The following TBC1D16 variants were observed in gnomAD, a reference collection of about 807,000 sequenced individuals.
TBC1D16 encodes the protein TBC1 domain family member 16.
A neutral mutation model predicts 74.7 loss-of-function variants in TBC1D16; 58 were observed. That is an observed-to-expected ratio of 0.78 (90% CI 0.63 to 0.97). The LOEUF (loss-of-function observed/expected upper bound fraction) is 0.97, where lower values mean the gene tolerates loss of function less well. Among genes scored for constraint, TBC1D16 ranks in the 50% least tolerant of loss-of-function variants. TBC1D16 has a pLI of 0.00. For synonymous variants in TBC1D16, 493 were observed against 474.7 expected (o/e 1.04, Z -0.50); for missense variants, 1,014 against 1,079.5 (o/e 0.94, Z 0.85).
rs539561523 is a variant in TBC1D16, at chr17:80,000,115, G to C, written c.779+10045C>G. Among the ~76,000 whole-genome samples the C allele has an allele frequency of 6.6e-6, 1 of 152,304 alleles. No homozygotes were observed. The highest frequency in any genetic ancestry group is 1.9e-4 in the East Asian group (1 of 5,186). On this transcript the variant is annotated intron_variant, in intron 3 of 11. Transcript: ENST00000310924. This position sits in a 1 kb window ranked among gnomAD's most constrained non-coding sequence, Gnocchi z 4.1. ...CACTTGTGCTGAAGGCTTGAGCTCTGCGTCACCCTTTCCTAAAACGGGGTG... is the reference window on the plus strand; with the variant it reads ...CACTTGTGCTGAAGGCTTGAGCTCTCCGTCACCCTTTCCTAAAACGGGGTG...
chr17:79,970,906 G>A (rs2034069410), intron 3 of TBC1D16, among the ~76,000 whole-genome samples: 1 of 141,624 alleles, frequency 7.1e-6, no homozygotes, highest in African/African-American at 2.7e-5. Flanking sequence ...GCCACCCTCT[G>A]GAAACAGAGA....
intron 3 of TBC1D16, among the ~76,000 whole-genome samples, chr17:79,991,373 G>A (rs902535502): frequency 3.3e-5 from 5 of 152,126 alleles, no homozygotes; most frequent in African/African-American, 1.2e-4. Context: ...ACGCGAGGTG[G>A]GGTGGGGTGA....
rs968404286 is a variant in TBC1D16 at position 79,933,780 on chromosome 17, G to A, written c.*7079C>T. On this transcript the variant is annotated 3_prime_UTR_variant, in exon 12 of 12. Coordinates refer to ENST00000310924, the MANE Select transcript of TBC1D16 (RefSeq NM_019020.4). ...GCTTTGCTCATTTGAGGGTGTGCAG[G>A]GTACATATGTGTCTGCCCCGGGAAT... 4 of 152,162 alleles carry A rather than the reference G, an allele frequency of 2.6e-5. No homozygotes were observed. The highest frequency in any genetic ancestry group is 9.7e-5 in the African/African-American group (4 of 41,410). 9.4% of individuals were successfully genotyped at this position (152,162 alleles called of 1,614,324 possible). A position where few individuals can be genotyped will look rare whatever the true frequency, so the allele number is the denominator to read the frequency against.
chr17:80,019,988 G>A (rs2036230018), intron 1 of TBC1D16, among the ~76,000 whole-genome samples: 1 of 149,906 alleles, frequency 6.7e-6, no homozygotes, highest in East Asian at 1.9e-4. Context: ...TCTTTATAGA[G>A]GTGATCAAGT....
rs750430553 is a variant in TBC1D16, at chr17:79,949,871, G to A, written c.1258-6C>T. On this transcript the variant is annotated splice_polypyrimidine_tract_variant and splice_region_variant and intron_variant, in intron 6 of 11. Coordinates refer to ENST00000310924, the MANE Select transcript of TBC1D16 (RefSeq NM_019020.4). ...ATACCGCCAAAGAAAATGGCCTGGA[G>A]GAAGCGGCAAAAGTTGGGGAGGGGA... is the stretch of plus-strand genomic sequence containing the variant. The A allele has an allele frequency of 1.1e-5, 18 of 1,611,040 alleles. No individual in the cohort carries two copies. Among genetic ancestry groups the A allele is most frequent in the Non-Finnish European group, 1.4e-5 (17 of 1,177,774 alleles).
At chr17:80,028,562 A>G (rs772619166) in intron 1 of TBC1D16, among the ~76,000 whole-genome samples, 81 of 152,042 alleles carry the variant, frequency 5.3e-4, no homozygotes, top group Non-Finnish European at 1.0e-3. Context: ...ATGATTTTAG[A>G]AGGCAAAAAG....
At position 80,008,887 on chromosome 17, in the gene TBC1D16, T is replaced by C. The variant is rs1221562720; in HGVS notation, c.779+1273A>G. Among the ~76,000 whole-genome samples, 1 of 152,228 alleles carries C rather than the reference T, an allele frequency of 6.6e-6. No homozygotes were observed. Among genetic ancestry groups the C allele is most frequent in the Non-Finnish European group, 1.5e-5 (1 of 68,030 alleles). Reference sequence around the variant, plus strand: ...AGGCCAGCAAAGCCTGTGTCCTTACTTCATGCCCCACCACTCCCCGGCTTA... The same window carrying C: ...AGGCCAGCAAAGCCTGTGTCCTTACCTCATGCCCCACCACTCCCCGGCTTA... On this transcript the variant is annotated intron_variant, in intron 3 of 11. Coordinates refer to ENST00000310924, the MANE Select transcript of TBC1D16 (RefSeq NM_019020.4). This position sits in a 1 kb window ranked among gnomAD's most constrained non-coding sequence, Gnocchi z 4.5.
intron 3 of TBC1D16, among the ~76,000 whole-genome samples, chr17:79,958,343 C>G (rs1016205146): frequency 1.1e-4 from 16 of 152,074 alleles, no homozygotes; most frequent in Admixed American, 4.6e-4. Flanking sequence ...CCTCAGCCTC[C>G]CGAGTAGCTG....
chr17:79,947,274 C>T lies in TBC1D16; in HGVS notation c.1728+371G>A, dbSNP rs539085894. 7.9e-5 allele frequency among the ~76,000 whole-genome samples: 12 copies of T among 152,260 alleles called. No homozygotes were observed. In the East Asian group the frequency reaches 2.1e-3, roughly 27 times the overall value. On this transcript the variant is annotated intron_variant, in intron 9 of 11. Coordinates refer to ENST00000310924, the MANE Select transcript of TBC1D16 (RefSeq NM_019020.4). ...CTCAGAAGCCCTGGCTGTGTTGACTCCTGCAGGGAGCAGCTTAGACACACC... is the reference window on the plus strand; with the variant it reads ...CTCAGAAGCCCTGGCTGTGTTGACTTCTGCAGGGAGCAGCTTAGACACACC...
rs2033240442 is a variant in TBC1D16, at chr17:79,954,518, T to C, written c.780-1700A>G. ...GGTAAAACTAGATCAGAGATGGGCA[T>C]GTGGGGCCATCACCTGAACTGCCGT... On this transcript the variant is annotated intron_variant, in intron 3 of 11. Transcript: ENST00000310924. This position sits in a 1 kb window ranked among gnomAD's most constrained non-coding sequence, Gnocchi z 5.5. Among the ~76,000 whole-genome samples, 1 of 152,168 alleles carries C rather than the reference T, an allele frequency of 6.6e-6. No homozygotes were observed. Among genetic ancestry groups the C allele is most frequent in the South Asian group, 2.1e-4 (1 of 4,830 alleles).
At chr17:79,968,372 A>T (rs1401071247) in intron 3 of TBC1D16, among the ~76,000 whole-genome samples, 1 of 152,266 alleles carries the variant, frequency 6.6e-6, no homozygotes, top group East Asian at 1.9e-4. Flanking sequence ...CAAAGAATGA[A>T]GTCAGACCAT....
intron 3 of TBC1D16, among the ~76,000 whole-genome samples, chr17:79,958,216 ATT>A (rs557536242): frequency 1.1e-4 from 15 of 137,420 alleles, no homozygotes; most frequent in African/African-American, 1.1e-4. Context: ...AAACTGACCA[ATT>A]TTTTTTTTTT....
intron 3 of TBC1D16, among the ~76,000 whole-genome samples, chr17:79,958,734 A>G (rs1275579737): frequency 1.3e-5 from 2 of 152,230 alleles, no homozygotes; most frequent in Non-Finnish European, 2.9e-5. Flanking sequence ...TAGGAATGGA[A>G]GAGAAGCTCC....
Position 79,992,041 on chromosome 17 carries a change from C to CCGG in TBC1D16, c.779+18116_779+18118dup, listed in dbSNP as rs2035084014. 3 of 152,446 alleles carry CCGG rather than the reference C, an allele frequency of 2.0e-5. No homozygotes were observed. The East Asian group carries it at 5.8e-4, about 30-fold the overall frequency. The allele number at this position is 152,446 out of a possible 1,614,324, so 9.4% of individuals were successfully genotyped here. Reference sequence around the variant, plus strand: ...TCAATGTCCTGCGTACAAGCCTGTCCCGGCCGTGGCCACCGGCTGGCTTGT... The same window carrying CCGG: ...TCAATGTCCTGCGTACAAGCCTGTCCCGGCGGCCGTGGCCACCGGCTGGCTTGT... On this transcript the variant is annotated intron_variant, in intron 3 of 11. Coordinates refer to ENST00000310924, the MANE Select transcript of TBC1D16 (RefSeq NM_019020.4).
rs1015469772 is a variant in TBC1D16 at position 79,944,014 on chromosome 17, C to A, written c.1908+894G>T. The stretch of plus-strand genomic sequence containing the variant: ...GCTGAGCCAGGAGGGAAACCTAGAC[C>A]CGGGCCAGGGGCGAGCCGATGACCG... On this transcript the variant is annotated intron_variant, in intron 10 of 11. Transcript: ENST00000310924. This position sits in a 1 kb window ranked among gnomAD's most constrained non-coding sequence, Gnocchi z 7.7. The A allele has an allele frequency of 3.3e-6, 5 of 1,534,142 alleles. No individual in the cohort carries two copies. The highest frequency in any genetic ancestry group is 4.4e-6 in the Non-Finnish European group (5 of 1,145,664).
chr17:79,964,841 A>G (rs2033772761), intron 3 of TBC1D16, among the ~76,000 whole-genome samples: 1 of 152,180 alleles, frequency 6.6e-6, no homozygotes, highest in South Asian at 2.1e-4. Flanking sequence ...TGTTATGCTG[A>G]ATGAGGAAAG....
intron 6 of TBC1D16, 25 bp from the exon 7 acceptor site, chr17:79,949,890 G>A (rs898852613): frequency 6.8e-6 from 11 of 1,607,286 alleles, no homozygotes; most frequent in East Asian, 2.2e-5. Context: ...AAAAGTTGGG[G>A]AGGGGATAAA....
chr17:79,945,031 G>T lies in TBC1D16; in HGVS notation c.1785C>A (p.Val595=), dbSNP rs780990295. ...TCTGCAGGCCGTCCTCGCCCAGCGA[G>T]ACCAGGTGCTGGTAGAAGCGCACGT... The part of the protein sequence containing the change: ...LTHVRFYQHL[V]SLGEDGLQML... The change falls in exon 10 of 12, where the codon GTC becomes GTA. Residue 595 remains valine, a synonymous_variant. Coordinates refer to ENST00000310924, the MANE Select transcript of TBC1D16 (RefSeq NM_019020.4). 6.3e-7 allele frequency: 1 copy of T among 1,584,080 alleles called. No homozygotes were observed. The highest frequency in any genetic ancestry group is 1.2e-5 in the South Asian group (1 of 86,386).
chr17:80,018,946 CTT>C (rs972247415), intron 1 of TBC1D16, among the ~76,000 whole-genome samples: 9 of 150,170 alleles, frequency 6.0e-5, no homozygotes, highest in Admixed American at 1.3e-4. Flanking sequence ...GCATTTTGCA[CTT>C]AAGCACGTCA....
Sources: allele counts gnomAD v4.1 joint callset (sites outside exome capture counted in the v4.1 genomes callset), GRCh38; gene constraint gnomAD v4.1.1; non-coding constraint Gnocchi (gnomAD v3.1); transcripts MANE v1.5; gene names NCBI Gene and HGNC (gene_info 2026-07-23, HGNC 2026-07-21).